The following ZFYVE1 variants were observed in gnomAD, a reference collection of about 807,000 sequenced individuals.
ZFYVE1 encodes the protein zinc finger FYVE domain-containing protein 1.
A neutral mutation model predicts 74.4 loss-of-function variants in ZFYVE1; 30 were observed. The observed-to-expected ratio is 0.40, with a 90% CI of 0.30 to 0.55. The LOEUF is 0.55. Among genes scored for constraint, ZFYVE1 ranks in the 20% least tolerant of loss-of-function variants. ZFYVE1 has a pLI of 0.42. For synonymous variants in ZFYVE1, 335 were observed against 385.1 expected (o/e 0.87, Z 1.52); for missense variants, 703 against 1,011.6 (o/e 0.69, Z 4.14).
At chr14:73,023,772 A>T (rs1027796393) in intron 2 of ZFYVE1, among the ~76,000 whole-genome samples, 9 of 152,158 alleles carry the variant, frequency 5.9e-5, no homozygotes, top group Admixed American at 4.6e-4. Flanking sequence ...GTCTCATTTC[A>T]ACCTCACAAC....
rs541746449 is a variant in ZFYVE1, at chr14:72,969,562, C to G, written c.*1320G>C. 1 of 630,154 alleles carries G rather than the reference C, an allele frequency of 1.6e-6. No homozygotes were observed. Among genetic ancestry groups the G allele is most frequent in the African/African-American group, 1.8e-5 (1 of 54,890 alleles). 39.0% of individuals were successfully genotyped at this position (630,154 alleles called of 1,614,324 possible). On this transcript the variant is annotated 3_prime_UTR_variant, in exon 12 of 12. Transcript: ENST00000556143. ...GAGCAGGGCTGAGAGGGACGACACA[C>G]TCCAGGGCTCATGTCACACCGATAG...
chr14:73,013,096 C>G (rs1894122361), intron 2 of ZFYVE1, among the ~76,000 whole-genome samples: 1 of 152,080 alleles, frequency 6.6e-6, no homozygotes, highest in Non-Finnish European at 1.5e-5. Flanking sequence ...GGGAAGACAG[C>G]AATAACCTAG....
At position 72,992,936 on chromosome 14, in the gene ZFYVE1, T is replaced by C. The variant is rs183381470; in HGVS notation, c.1203+207A>G. On this transcript the variant is annotated intron_variant, in intron 4 of 11. Coordinates refer to ENST00000556143, the MANE Select transcript of ZFYVE1 (RefSeq NM_021260.4). Reference sequence around the variant, plus strand: ...CTAGCTGAGGACCGGGCACTTTTTTTACTATCACATATGACTTCCCCATAT... The same window carrying C: ...CTAGCTGAGGACCGGGCACTTTTTTCACTATCACATATGACTTCCCCATAT... 3.9e-5 allele frequency among the ~76,000 whole-genome samples: 6 copies of C among 152,274 alleles called. No homozygotes were observed. In the East Asian group the frequency reaches 9.7e-4, roughly 25 times the overall value.
chr14:73,020,381 C>T (rs1320001111), intron 2 of ZFYVE1, among the ~76,000 whole-genome samples: 1 of 151,978 alleles, frequency 6.6e-6, no homozygotes. Context: ...CAGACAGAGT[C>T]TCGCACTGTC....
At position 72,970,978 on chromosome 14, in the gene ZFYVE1, A is replaced by G. The variant is rs777418273; in HGVS notation, c.2238T>C (p.Asp746=). The part of the protein sequence containing the change: ...HCRACGQGFC[D]ECSHDRRAVP... ...CAGCCCGGCGGTCATGGGAGCACTCATCACAGAAGCCCTGTCCGCAGGCCC... is the reference window on the plus strand; with the variant it reads ...CAGCCCGGCGGTCATGGGAGCACTCGTCACAGAAGCCCTGTCCGCAGGCCC... The change falls in exon 12 of 12, where the codon GAT becomes GAC. Residue 746 remains aspartate (D), a synonymous_variant. Coordinates refer to ENST00000556143, the MANE Select transcript of ZFYVE1 (RefSeq NM_021260.4). 2.5e-6 allele frequency: 4 copies of G among 1,614,138 alleles called. No homozygotes were observed. The highest frequency in any genetic ancestry group is 3.4e-6 in the Non-Finnish European group (4 of 1,180,056).
In ZFYVE1 at chr14:72,970,066, T is replaced by A. The variant is rs1315352691; in HGVS notation, c.*816A>T. On this transcript the variant is annotated 3_prime_UTR_variant, in exon 12 of 12. Coordinates refer to ENST00000556143, the MANE Select transcript of ZFYVE1 (RefSeq NM_021260.4). The stretch of plus-strand genomic sequence containing the variant: ...CAGATGCTTCGATTGAGGAGCTGGG[T>A]GCCGCCTTTTGGGAAAGCCGAGTGG... The A allele has an allele frequency of 6.1e-6, 2 of 329,190 alleles. No individual in the cohort carries two copies. Among genetic ancestry groups the A allele is most frequent in the Admixed American group, 9.3e-5 (2 of 21,530 alleles). The allele number at this position is 329,190 out of a possible 1,614,324, so 20.4% of individuals were successfully genotyped here.
At chr14:73,000,011 A>G (rs1177284741) in intron 2 of ZFYVE1, among the ~76,000 whole-genome samples, 1 of 152,210 alleles carries the variant, frequency 6.6e-6, no homozygotes, top group Non-Finnish European at 1.5e-5. Context: ...GTGAGCCGAG[A>G]TTGTGCCACT....
intron 2 of ZFYVE1, among the ~76,000 whole-genome samples, chr14:73,008,234 AC>A (rs1894020628): frequency 6.6e-6 from 1 of 152,166 alleles, no homozygotes; most frequent in South Asian, 2.1e-4. Flanking sequence ...ATCTCGGCTC[AC>A]CGCAACCTCT....
intron 11 of ZFYVE1, among the ~76,000 whole-genome samples, chr14:72,971,351 T>G (rs1402603850): frequency 4.6e-5 from 7 of 152,316 alleles, no homozygotes; most frequent in Admixed American, 3.3e-4. Flanking sequence ...TTTAAGATTT[T>G]TTGGAGTCAG....
chr14:73,026,364 G>T (rs973601146), intron 1 of ZFYVE1, among the ~76,000 whole-genome samples: 2 of 151,974 alleles, frequency 1.3e-5, no homozygotes, highest in East Asian at 3.9e-4. Flanking sequence ...CCAAGGCCCC[G>T]ACAAGGTGTA....
Position 72,975,821 on chromosome 14 carries a change from C to A in ZFYVE1, c.1636-100G>T. 1 of 1,392,844 alleles carries A rather than the reference C, an allele frequency of 7.2e-7. No homozygotes were observed. The highest frequency in any genetic ancestry group is 9.9e-7 in the Non-Finnish European group (1 of 1,013,662). The allele number at this position is 1,392,844 out of a possible 1,614,324, so 86.3% of individuals were successfully genotyped here. On this transcript the variant is annotated intron_variant, in intron 8 of 11. Coordinates refer to ENST00000556143, the MANE Select transcript of ZFYVE1 (RefSeq NM_021260.4). The surrounding 1 kb of genome is among the most constrained non-coding windows in gnomAD (Gnocchi z 4.1). ...AGTTGCACACTCACCGTGGCCAACT[C>A]AGAACCACTAACTCCCTGGCAGGGA... is the stretch of plus-strand genomic sequence containing the variant.
At chr14:72,982,011 G>C in intron 4 of ZFYVE1, 116 bp from the exon 5 acceptor site, 1 of 840,690 alleles carries the variant, frequency 1.2e-6, no homozygotes, top group Admixed American at 2.1e-5. Flanking sequence ...AGTAACTTCT[G>C]CTCATTACCC....
At chr14:72,987,280 T>A (rs1893505346) in intron 4 of ZFYVE1, among the ~76,000 whole-genome samples, 2 of 152,154 alleles carry the variant, frequency 1.3e-5, no homozygotes, top group Non-Finnish European at 2.9e-5. Context: ...AGAAGGTACA[T>A]AAAGGCTGGG....
chr14:73,014,357 T>G (rs1894148548), intron 2 of ZFYVE1, among the ~76,000 whole-genome samples: 1 of 152,232 alleles, frequency 6.6e-6, no homozygotes. Flanking sequence ...TCTTTTGGTC[T>G]GAGTCATCCT....
At chr14:72,991,469 G>T (rs1477048736) in intron 4 of ZFYVE1, among the ~76,000 whole-genome samples, 1 of 151,956 alleles carries the variant, frequency 6.6e-6, no homozygotes, top group Non-Finnish European at 1.5e-5. Flanking sequence ...GATTACAGGC[G>T]TGAGCCACCG....
rs890134117 is a variant in ZFYVE1, at chr14:72,979,519, T to C, written c.1311-550A>G. Among the ~76,000 whole-genome samples, 224 of 151,998 alleles carry C rather than the reference T, an allele frequency of 1.5e-3. 3 individuals are homozygous for C. The highest frequency in any genetic ancestry group is 7.7e-4 in the East Asian group (4 of 5,168). ...ATACAAAAAAATTAGCCAGGCATAG[T>C]GGCTCATGCCTGTAATCCCAGCTAC... On this transcript the variant is annotated intron_variant, in intron 5 of 11. Transcript: ENST00000556143.
chr14:72,987,587 A>T (rs943336323), intron 4 of ZFYVE1, among the ~76,000 whole-genome samples: 1 of 152,124 alleles, frequency 6.6e-6, no homozygotes. Flanking sequence ...ATTACATAAA[A>T]CCTATACAAA....
intron 11 of ZFYVE1, among the ~76,000 whole-genome samples, chr14:72,972,083 G>A (rs1218663417): frequency 2.0e-5 from 3 of 152,072 alleles, no homozygotes; most frequent in Non-Finnish European, 4.4e-5. Flanking sequence ...TTAGCCGGGC[G>A]TGGTGGTATA....
At chr14:72,997,534 T>C (rs1893775640) in intron 3 of ZFYVE1, among the ~76,000 whole-genome samples, 1 of 152,142 alleles carries the variant, frequency 6.6e-6, no homozygotes, top group Admixed American at 6.5e-5. Flanking sequence ...CTGATCAAGC[T>C]TTTACCCCCC....
Sources: gnomAD v4.1 joint callset for allele counts (sites outside exome capture counted in the v4.1 genomes callset) on GRCh38, gnomAD v4.1.1 for gene constraint, Gnocchi (gnomAD v3.1) non-coding constraint, MANE v1.5 for transcripts, NCBI Gene and HGNC (gene_info 2026-07-23, HGNC 2026-07-21) for gene names.